Variants in ACYP2 observed in about 807,000 individuals in gnomAD.
The protein encoded by ACYP2 is acylphosphatase 2.
In ACYP2, 12 loss-of-function variants were observed where a neutral mutation model predicts 11.2. The ratio of observed to expected loss-of-function variants is 1.08; its 90% CI spans 0.69 to 1.74. The LOEUF (loss-of-function observed/expected upper bound fraction) is 1.74. Ranked by LOEUF, ACYP2 falls within the 40% of genes most tolerant of loss-of-function variation. The pLI, the probability that ACYP2 is intolerant of heterozygous loss-of-function variation, is 0.00. For missense variants in ACYP2, 134 were observed against 101.9 expected (o/e 1.31, Z -1.35); for synonymous variants, 43 against 32.2 (o/e 1.33, Z -1.13).
chr2:54,143,384 C>T (rs1681706000), intron 6 of ACYP2: 4 of 152,004 alleles, frequency 2.6e-5, no homozygotes, highest in African/African-American at 9.7e-5. Context: ...TATTGCTTGC[C>T]AATATTTTAT....
At chr2:54,184,845 A>ATTT (rs545856270) in intron 6 of ACYP2, among the ~76,000 whole-genome samples, 3 of 139,142 alleles carry the variant, frequency 2.2e-5, no homozygotes, top group Admixed American at 7.2e-5. Flanking sequence ...CATTTAAGCA[A>ATTT]TTTTTTTTTT....
chr2:54,048,977 A>G (rs1420172123), intron 2 of ACYP2, among the ~76,000 whole-genome samples: 1 of 152,182 alleles, frequency 6.6e-6, no homozygotes, highest in Non-Finnish European at 1.5e-5. Flanking sequence ...GAGATAGGTT[A>G]GAAGTAATGA....
intron 4 of ACYP2, among the ~76,000 whole-genome samples, chr2:54,093,603 C>G (rs577630880): frequency 9.9e-5 from 15 of 152,272 alleles, no homozygotes; most frequent in African/African-American, 3.4e-4. Flanking sequence ...CTTTTAGAGA[C>G]TTAGTTTTCT....
chr2:54,128,259 A>G (rs554898552), intron 4 of ACYP2, among the ~76,000 whole-genome samples: 2 of 152,326 alleles, frequency 1.3e-5, no homozygotes, highest in East Asian at 3.9e-4. Context: ...ATCTTCTTTG[A>G]TGGACAGATC....
At chr2:54,286,399 C>A (rs895539865) in intron 6 of ACYP2, among the ~76,000 whole-genome samples, 1 of 151,998 alleles carries the variant, frequency 6.6e-6, no homozygotes, top group Non-Finnish European at 1.5e-5. Context: ...GTTAGCACCA[C>A]CAGAAAGTCT....
At chr2:54,044,173 C>G (rs1413339753) in intron 2 of ACYP2, among the ~76,000 whole-genome samples, 1 of 152,184 alleles carries the variant, frequency 6.6e-6, no homozygotes, top group South Asian at 2.1e-4. Flanking sequence ...CACAGTTACT[C>G]CATACACACC....
chr2:54,191,262 C>T (rs1054873831), intron 6 of ACYP2, among the ~76,000 whole-genome samples: 2 of 152,174 alleles, frequency 1.3e-5, no homozygotes, highest in Non-Finnish European at 2.9e-5. Flanking sequence ...CTGCCCCCTG[C>T]TCTCCGCCGT....
At chr2:54,142,487 CT>C (rs1477531807) in intron 6 of ACYP2, 3 of 152,178 alleles carry the variant, frequency 2.0e-5, no homozygotes, top group African/African-American at 7.2e-5. Flanking sequence ...CTTCGGGAGG[CT>C]GAGGCGGGCG....
chr2:54,223,317 A>G (rs1316106469), intron 6 of ACYP2, among the ~76,000 whole-genome samples: 1 of 152,382 alleles, frequency 6.6e-6, no homozygotes, highest in South Asian at 2.1e-4. Context: ...TTCTTAGATT[A>G]GAAATAAGAT....
intron 4 of ACYP2, chr2:54,065,922 G>A (rs1279461037): frequency 6.2e-6 from 1 of 161,210 alleles, no homozygotes; most frequent in Non-Finnish European, 1.3e-5. Flanking sequence ...GGTGTTCAGA[G>A]CCTCTTCTTT....
At position 54,067,870 on chromosome 2, in the gene ACYP2, A is replaced by G. The variant is rs147084590; in HGVS notation, c.277+10510A>G. ...TTTGCCTTTTCCAAATAAAGGCTAT[A>G]AGCACAAATTGCTTTATTATTAGCC... On this transcript the variant is annotated intron_variant, in intron 4 of 6. Coordinates refer to ENST00000607452, the MANE Select transcript of ACYP2 (RefSeq NM_001320586.2). Among the ~76,000 whole-genome samples, 427 of 152,350 alleles carry G rather than the reference A, an allele frequency of 2.8e-3. 1 individual carries two copies. The highest frequency in any genetic ancestry group is 0.01 in the Middle Eastern group (3 of 294).
At chr2:54,092,443 C>T (rs564286965) in intron 4 of ACYP2, among the ~76,000 whole-genome samples, 9 of 152,294 alleles carry the variant, frequency 5.9e-5, no homozygotes, top group East Asian at 1.9e-4. Context: ...TGTAGCCAAC[C>T]TATGTTATCC....
At chr2:54,251,621 T>G (rs1687229599) in intron 6 of ACYP2, among the ~76,000 whole-genome samples, 1 of 152,176 alleles carries the variant, frequency 6.6e-6, no homozygotes, top group African/African-American at 2.4e-5. Flanking sequence ...CTCCCATGTG[T>G]CTCATGTTTC....
chr2:54,049,912 G>A (rs1383019359), intron 2 of ACYP2, among the ~76,000 whole-genome samples: 1 of 152,052 alleles, frequency 6.6e-6, no homozygotes, highest in Non-Finnish European at 1.5e-5. Flanking sequence ...ATTTTCCAAG[G>A]AGCCCTGGTT....
At chr2:54,061,203 C>G (rs1676452780) in intron 4 of ACYP2, among the ~76,000 whole-genome samples, 1 of 152,158 alleles carries the variant, frequency 6.6e-6, no homozygotes, top group African/African-American at 2.4e-5. Flanking sequence ...TTTATTTTGG[C>G]AATCCAACTT....
In ACYP2 at chr2:54,214,866, T is replaced by A. The variant is rs143498777; in HGVS notation, c.404+76118T>A. ...AGTATGGCCATCTTAACAATATTGA[T>A]TCTTCCTATCTGTGAGCATGGAATG... On this transcript the variant is annotated intron_variant, in intron 6 of 6. Coordinates refer to ENST00000607452, the MANE Select transcript of ACYP2 (RefSeq NM_001320586.2). 1.1e-4 allele frequency among the ~76,000 whole-genome samples: 17 copies of A among 152,354 alleles called. No homozygotes were observed. The East Asian group carries it at 3.1e-3, about 28-fold the overall frequency.
Position 54,304,759 on chromosome 2 carries a change from C to A in ACYP2, c.476C>A (p.Thr159Asn), listed in dbSNP as rs139968799. 8.1e-5 allele frequency: 130 copies of A among 1,611,600 alleles called. No homozygotes were observed. The African/African-American group carries it at 1.1e-3, about 14-fold the overall frequency. ...CGCACAAACTTTTCTAATGAAAAAA[C>A]CATCTCTAAGCTTGAATACTCTAAT... Residue 159 changes from threonine to asparagine, a missense_variant, in exon 7 of 7, where the codon ACC becomes AAC. Coordinates refer to ENST00000607452, the MANE Select transcript of ACYP2 (RefSeq NM_001320586.2).
At chr2:54,295,396 G>A (rs973446495) in intron 6 of ACYP2, among the ~76,000 whole-genome samples, 3 of 152,164 alleles carry the variant, frequency 2.0e-5, no homozygotes, top group Non-Finnish European at 2.9e-5. Flanking sequence ...TCTGTAATAA[G>A]AGCAAATATT....
chr2:54,302,187 C>T (rs1477069893), intron 6 of ACYP2, among the ~76,000 whole-genome samples: 3 of 152,182 alleles, frequency 2.0e-5, no homozygotes, highest in African/African-American at 7.2e-5. Context: ...TCTTGGATTC[C>T]ATGGTTTCAA....
Sources: allele counts gnomAD v4.1 joint callset (sites outside exome capture counted in the v4.1 genomes callset), GRCh38; gene constraint gnomAD v4.1.1; transcripts MANE v1.5; gene names NCBI Gene and HGNC (gene_info 2026-07-23, HGNC 2026-07-21).